Variants in KIF26B observed in about 807,000 individuals in gnomAD.
KIF26B encodes kinesin-like protein KIF26B.
KIF26B carries 63 observed loss-of-function variants against 151.2 expected under a neutral mutation model. That is an observed-to-expected ratio of 0.42 (90% CI 0.34 to 0.51). The LOEUF is 0.51. KIF26B is among the 20% of genes least tolerant of loss of function. The pLI, the probability that KIF26B is intolerant of heterozygous loss-of-function variation, is 0.07. For synonymous variants in KIF26B, 1,357 were observed against 1,262.1 expected, an observed-to-expected ratio of 1.08 and a Z score of -1.59; for missense variants, 2,813 against 2,913.6, an observed-to-expected ratio of 0.97 and a Z score of 0.79.
chr1:245,492,839 G>A (rs1391755413), intron 4 of KIF26B, among the ~76,000 whole-genome samples: 1 of 152,124 alleles, frequency 6.6e-6, no homozygotes, highest in East Asian at 1.9e-4. Context: ...GGAGTGCAGT[G>A]GCGTGATCTT....
At chr1:245,417,946 G>A (rs1262021255) in intron 3 of KIF26B, among the ~76,000 whole-genome samples, 2 of 150,986 alleles carry the variant, frequency 1.3e-5, no homozygotes, top group Non-Finnish European at 2.9e-5. Context: ...ATGTCACGGT[G>A]TGTCAAAATC....
chr1:245,399,302 T>G (rs1302451376), intron 3 of KIF26B, among the ~76,000 whole-genome samples: 2 of 152,228 alleles, frequency 1.3e-5, no homozygotes, highest in Non-Finnish European at 2.9e-5. Flanking sequence ...AAATGAAGGC[T>G]AGGTTCTCTG....
chr1:245,298,568 T>C (rs1671375675), intron 2 of KIF26B, among the ~76,000 whole-genome samples: 2 of 152,174 alleles, frequency 1.3e-5, no homozygotes, highest in African/African-American at 4.8e-5. Flanking sequence ...TTGGTGATGG[T>C]TGCAAAACAA....
At chr1:245,614,057 C>T (rs772876059) in intron 9 of KIF26B, among the ~76,000 whole-genome samples, 2 of 152,154 alleles carry the variant, frequency 1.3e-5, no homozygotes, top group African/African-American at 2.4e-5. Context: ...CCAGATGTGG[C>T]CTTTTGTGTC....
At chr1:245,472,449 G>C (rs181184894) in intron 4 of KIF26B, among the ~76,000 whole-genome samples, 1 of 152,238 alleles carries the variant, frequency 6.6e-6, no homozygotes, top group East Asian at 1.9e-4. Context: ...GGGGGGTTTG[G>C]AAATATTTCT....
chr1:245,249,387 C>T (rs978366501), intron 2 of KIF26B, among the ~76,000 whole-genome samples: 6 of 152,118 alleles, frequency 3.9e-5, no homozygotes, highest in East Asian at 1.9e-4. Flanking sequence ...GTGTGAGGCA[C>T]CGCGCCCAGC....
chr1:245,337,518 ATGTGTGTG>A (rs74163041), intron 2 of KIF26B, among the ~76,000 whole-genome samples: 3,649 of 145,516 alleles, frequency 0.025, 113 homozygotes, highest in African/African-American at 0.068. Context: ...TACTTAGGAA[ATGTGTGTG>A]TGTGTGTGTG....
intron 2 of KIF26B, among the ~76,000 whole-genome samples, chr1:245,321,735 C>T (rs554722424): frequency 7.9e-5 from 12 of 152,342 alleles, no homozygotes; most frequent in Non-Finnish European, 5.9e-5. Context: ...GCTGATTGAG[C>T]CGCAATTGGC....
intron 2 of KIF26B, among the ~76,000 whole-genome samples, chr1:245,190,005 C>T (rs1669070858): frequency 6.6e-6 from 1 of 151,844 alleles, no homozygotes; most frequent in South Asian, 2.1e-4. Flanking sequence ...GGAAACCACC[C>T]CCGTGATTCA....
intron 5 of KIF26B, among the ~76,000 whole-genome samples, chr1:245,571,964 G>A (rs1396691703): frequency 1.3e-5 from 2 of 152,170 alleles, no homozygotes; most frequent in Admixed American, 1.3e-4. Context: ...TCTTTACTCT[G>A]CCTTGATTGA....
intron 2 of KIF26B, among the ~76,000 whole-genome samples, chr1:245,215,338 T>C (rs1669623292): frequency 6.6e-6 from 1 of 151,978 alleles, no homozygotes. Context: ...CACCGTGCTA[T>C]TGGGAGGGTG....
At chr1:245,586,618 T>A (rs1012556491) in intron 5 of KIF26B, among the ~76,000 whole-genome samples, 2 of 151,272 alleles carry the variant, frequency 1.3e-5, no homozygotes, top group Non-Finnish European at 2.9e-5. Context: ...GCGCGGTGGC[T>A]CACGCCTGTA....
At chr1:245,590,134 G>A (rs555345773) in intron 5 of KIF26B, among the ~76,000 whole-genome samples, 3 of 151,964 alleles carry the variant, frequency 2.0e-5, no homozygotes, top group African/African-American at 4.8e-5. Flanking sequence ...GGGTCGGGGG[G>A]TGGGGGTGCC....
Position 245,502,892 on chromosome 1 carries a change from G to A in KIF26B, c.1167-37875G>A, listed in dbSNP as rs182221343. 9.4e-3 allele frequency among the ~76,000 whole-genome samples: 1,392 copies of A among 148,280 alleles called. 22 individuals are homozygous for A. Among genetic ancestry groups the A allele is most frequent in the Admixed American group, 0.034 (499 of 14,808 alleles). On this transcript the variant is annotated intron_variant, in intron 4 of 14. Transcript: ENST00000407071. Reference sequence around the variant, plus strand: ...TTTTTTTTTTTCGAGATGGAGTTTCGCTCTTGTTGCCCAGGCTGGAGTGCA... The same window carrying A: ...TTTTTTTTTTTCGAGATGGAGTTTCACTCTTGTTGCCCAGGCTGGAGTGCA...
At chr1:245,623,404 T>C (rs924806746) in intron 9 of KIF26B, among the ~76,000 whole-genome samples, 3 of 152,228 alleles carry the variant, frequency 2.0e-5, no homozygotes, top group Admixed American at 6.5e-5. Flanking sequence ...ATCATTTCAT[T>C]GCCTGTATCA....
chr1:245,400,538 C>T (rs1424360851), intron 3 of KIF26B, among the ~76,000 whole-genome samples: 1 of 140,380 alleles, frequency 7.1e-6, no homozygotes, highest in East Asian at 2.3e-4. Context: ...GGATTCTCTA[C>T]ACCCCTGCTA....
Position 245,685,392 on chromosome 1 carries a change from G to C in KIF26B, c.2422-13G>C. The C allele has an allele frequency of 6.3e-7, 1 of 1,589,296 alleles. No individual in the cohort carries two copies. The highest frequency in any genetic ancestry group is 1.1e-5 in the South Asian group (1 of 88,726). On this transcript the variant is annotated splice_polypyrimidine_tract_variant and intron_variant, in intron 11 of 14. Transcript: ENST00000407071. ...CGGAAAGGCCACCACATTAACTGCCGTCTCACTCACAGTACACATCCAGCT... is the reference window on the plus strand; with the variant it reads ...CGGAAAGGCCACCACATTAACTGCCCTCTCACTCACAGTACACATCCAGCT...
chr1:245,405,275 G>C (rs1674106821), intron 3 of KIF26B, among the ~76,000 whole-genome samples: 1 of 152,194 alleles, frequency 6.6e-6, no homozygotes, highest in Non-Finnish European at 1.5e-5. Context: ...ACCTCCAAAG[G>C]GAATAGGCAG....
Position 245,380,471 on chromosome 1 carries a change from G to A in KIF26B, c.999+13104G>A, listed in dbSNP as rs542201753. 2.7e-4 allele frequency among the ~76,000 whole-genome samples: 41 copies of A among 152,250 alleles called. 1 individual carries two copies. Among genetic ancestry groups the A allele is most frequent in the African/African-American group, 9.1e-4 (38 of 41,538 alleles). On this transcript the variant is annotated intron_variant, in intron 3 of 14. Transcript: ENST00000407071. ...CCATTAGGCTGCAAGGCGCTGCGTC[G>A]CCAGGGAGGTTGACCCCACCTGCTT...
Sources: gnomAD v4.1 joint callset for allele counts (sites outside exome capture counted in the v4.1 genomes callset) on GRCh38, gnomAD v4.1.1 for gene constraint, MANE v1.5 for transcripts, NCBI Gene and HGNC (gene_info 2026-07-23, HGNC 2026-07-21) for gene names.